The following CELA3B variants were observed in gnomAD, a reference collection of about 807,000 sequenced individuals.
CELA3B encodes chymotrypsin-like elastase family member 3B.
In CELA3B, 34 loss-of-function variants were observed where a neutral mutation model predicts 37.2. The observed-to-expected ratio is 0.91, with a 90% CI of 0.70 to 1.22. The LOEUF (loss-of-function observed/expected upper bound fraction) is 1.22. CELA3B is among the 50% of genes most tolerant of loss of function. CELA3B has a pLI of 0.00. For missense variants in CELA3B, 340 were observed against 363.1 expected (o/e 0.94, Z 0.52); for synonymous variants, 127 against 143.5 (o/e 0.89, Z 0.82).
chr1:21,998,095 G>A (rs1644898628), intron 4 of CELA3B: 1 of 468,596 alleles, frequency 2.1e-6, no homozygotes, highest in African/African-American at 2.0e-5. Context: ...ATTCCCTTAA[G>A]TCTAAGGTAT....
At chr1:21,989,142 G>C in intron 7 of CELA3B, 120 bp from the exon 8 acceptor site, 1 of 1,587,182 alleles carries the variant, frequency 6.3e-7, no homozygotes, top group East Asian at 2.2e-5. Context: ...CTGAGGCTCA[G>C]AGAGGTCAAT....
chr1:21,984,188 G>T lies in CELA3B; in HGVS notation c.500-1G>T, dbSNP rs1035382944. On this transcript the variant is annotated splice_acceptor_variant, in intron 5 of 7. Coordinates refer to ENST00000337107, the MANE Select transcript of CELA3B (RefSeq NM_007352.4). LOFTEE classifies it high-confidence loss of function. ...TGACTCGGTGCTTTTTATCGCTGCAGCCAACGGGCCACTCCCAGACAAGCT... is the reference window on the plus strand; with the variant it reads ...TGACTCGGTGCTTTTTATCGCTGCATCCAACGGGCCACTCCCAGACAAGCT... 4 of 1,612,494 alleles carry T rather than the reference G, an allele frequency of 2.5e-6. No individual in the cohort carries two copies. The highest frequency in any genetic ancestry group is 3.4e-6 in the Non-Finnish European group (4 of 1,179,202).
At chr1:21,977,733 G>C (rs1644780457) in intron 1 of CELA3B, among the ~76,000 whole-genome samples, 1 of 151,146 alleles carries the variant, frequency 6.6e-6, no homozygotes, top group Admixed American at 6.6e-5. Flanking sequence ...TTTATTTTTT[G>C]CTTTTTTTTT....
intron 4 of CELA3B, among the ~76,000 whole-genome samples, chr1:21,982,314 A>G (rs10917097): frequency 0.83 from 126,140 of 152,006 alleles, 54,050 homozygotes; most frequent in South Asian, 0.94. Flanking sequence ...ACCTGCAGCA[A>G]TGTGAATTAT....
At chr1:21,977,353 G>A (rs146929922) in intron 1 of CELA3B, among the ~76,000 whole-genome samples, 91 of 152,214 alleles carry the variant, frequency 6.0e-4, no homozygotes, top group East Asian at 1.4e-3. Flanking sequence ...AAGAGTTTGG[G>A]CTGTGTGGTT....
chr1:21,978,464 A>G lies in CELA3B; in HGVS notation c.129+10A>G, dbSNP rs1644784823. ...CAGCTGGCCCTGGCAGGTAAGAGCAATAGCAGCTGCCCTCATTCCCACCGT... is the reference window on the plus strand; with the variant it reads ...CAGCTGGCCCTGGCAGGTAAGAGCAGTAGCAGCTGCCCTCATTCCCACCGT... On this transcript the variant is annotated intron_variant, in intron 2 of 7. Coordinates refer to ENST00000337107, the MANE Select transcript of CELA3B (RefSeq NM_007352.4). 1 of 1,613,798 alleles carries G rather than the reference A, an allele frequency of 6.2e-7. No homozygotes were observed. Among genetic ancestry groups the G allele is most frequent in the African/African-American group, 1.3e-5 (1 of 74,954 alleles).
chr1:21,996,004 G>C (rs568053325), intron 4 of CELA3B, among the ~76,000 whole-genome samples: 1 of 149,866 alleles, frequency 6.7e-6, no homozygotes, highest in Admixed American at 6.7e-5. Context: ...ACCTGAGGTC[G>C]GGAGTTCGAG....
At chr1:21,995,576 A>G (rs1347882381) in intron 4 of CELA3B, among the ~76,000 whole-genome samples, 1 of 151,216 alleles carries the variant, frequency 6.6e-6, no homozygotes, top group Admixed American at 6.6e-5. Flanking sequence ...CAGGTTGACC[A>G]TGTAAAGGTG....
chr1:21,985,701 C>G (rs1445894037), intron 6 of CELA3B, among the ~76,000 whole-genome samples: 1 of 151,768 alleles, frequency 6.6e-6, no homozygotes, highest in East Asian at 1.9e-4. Flanking sequence ...ACCATCCTGG[C>G]TAACACTGTG....
intron 1 of CELA3B, among the ~76,000 whole-genome samples, chr1:21,977,692 T>C (rs2152815160): frequency 6.6e-6 from 1 of 152,256 alleles, no homozygotes; most frequent in Non-Finnish European, 1.5e-5. Flanking sequence ...TAGCTTATCA[T>C]AGAACAAAAG....
intron 1 of CELA3B, among the ~76,000 whole-genome samples, chr1:21,977,475 C>A (rs771084207): frequency 6.6e-6 from 1 of 152,144 alleles, no homozygotes; most frequent in African/African-American, 2.4e-5. Flanking sequence ...GGTCTCTCTG[C>A]CATATTACAT....
exon 5 of CELA3B, chr1:21,998,197 G>A (rs1644899243): frequency 2.1e-6 from 1 of 470,178 alleles, no homozygotes; most frequent in African/African-American, 2.0e-5. Context: ...TAGGACCACT[G>A]TGTGTGATTC....
intron 4 of CELA3B, among the ~76,000 whole-genome samples, chr1:21,982,110 C>T (rs1644809412): frequency 6.6e-6 from 1 of 152,190 alleles, no homozygotes; most frequent in African/African-American, 2.4e-5. Flanking sequence ...GTGCAGAACT[C>T]CTGCAAATGC....
Position 21,986,867 on chromosome 1 carries a change from T to C in CELA3B, c.795+184T>C, listed in dbSNP as rs546407308. 820 of 674,756 alleles carry C rather than the reference T, an allele frequency of 1.2e-3. 4 individuals carry two copies. The African/African-American group carries it at 0.013, about 11-fold the overall frequency. 41.8% of individuals were successfully genotyped at this position (674,756 alleles called of 1,614,324 possible). The stretch of plus-strand genomic sequence containing the variant: ...CTGATACAGTGTGACCCCAGGAACT[T>C]GATGGCTTCTGGGTGGTGCTTGGAA... On this transcript the variant is annotated intron_variant, in intron 7 of 7. Coordinates refer to ENST00000337107, the MANE Select transcript of CELA3B (RefSeq NM_007352.4).
chr1:21,989,803 T>G (rs11803140), downstream of CELA3B, among the ~76,000 whole-genome samples: 8,685 of 150,762 alleles, frequency 0.058, 1,101 homozygotes, highest in African/African-American at 0.19. Flanking sequence ...ACTTATTCCT[T>G]GTTTTAAAGG....
At chr1:21,998,182 G>C (rs552819056) in exon 5 of CELA3B, 1 of 470,150 alleles carries the variant, frequency 2.1e-6, no homozygotes, top group Non-Finnish European at 4.4e-6. Flanking sequence ...CCAGAGTCCC[G>C]GACTTAGGAC....
chr1:21,981,484 G>T (rs1295718658), intron 4 of CELA3B, among the ~76,000 whole-genome samples: 3 of 151,766 alleles, frequency 2.0e-5, no homozygotes, highest in East Asian at 3.9e-4. Context: ...AAAGCCGAGG[G>T]TTTCTCCATT....
Position 21,986,512 on chromosome 1 carries a change from A to T in CELA3B, c.643-19A>T, listed in dbSNP as rs373596972. 549 of 1,611,884 alleles carry T rather than the reference A, an allele frequency of 3.4e-4. 2 individuals are homozygous for T. The highest frequency in any genetic ancestry group is 1.8e-3 in the South Asian group (167 of 90,776). On this transcript the variant is annotated intron_variant, in intron 6 of 7. Coordinates refer to ENST00000337107, the MANE Select transcript of CELA3B (RefSeq NM_007352.4). ...CCTCAGACATGGCTCAGCCACCCAC[A>T]CCTCTCTGACGGTTCCAGGGTGACT... is the stretch of plus-strand genomic sequence containing the variant.
chr1:21,981,947 G>C (rs376735378), intron 4 of CELA3B, among the ~76,000 whole-genome samples: 14 of 152,080 alleles, frequency 9.2e-5, no homozygotes, highest in East Asian at 1.9e-4. Context: ...GGATGATCTC[G>C]ATCTCCTGAC....
Sources: gnomAD v4.1 joint callset for allele counts (sites outside exome capture counted in the v4.1 genomes callset) on GRCh38, gnomAD v4.1.1 for gene constraint, MANE v1.5 for transcripts, NCBI Gene and HGNC (gene_info 2026-07-23, HGNC 2026-07-21) for gene names.